PLEKHD1: variants seen among roughly 807,000 people sequenced by gnomAD.
PLEKHD1 encodes the protein pleckstrin homology and coiled-coil domain containing D1, also known as pleckstrin homology domain-containing family D member 1.
In PLEKHD1, 51 loss-of-function variants were observed where a neutral mutation model predicts 69.2. That is an observed-to-expected ratio of 0.74 (90% CI 0.59 to 0.93). The LOEUF (loss-of-function observed/expected upper bound fraction) is 0.93. PLEKHD1 is among the 40% of genes least tolerant of loss of function. The pLI is 0.00. For synonymous variants in PLEKHD1, 236 were observed against 244.7 expected (o/e 0.96, Z 0.33); for missense variants, 584 against 641.0 (o/e 0.91, Z 0.96).
intron 1 of PLEKHD1, among the ~76,000 whole-genome samples, chr14:69,487,593 C>A (rs1185342272): frequency 2.0e-5 from 3 of 152,220 alleles, no homozygotes; most frequent in East Asian, 1.9e-4. Flanking sequence ...AGGACCTGTG[C>A]CTCCAGCTTC....
the PLEKHD1 span, among the ~76,000 whole-genome samples, chr14:69,470,673 T>A: frequency 6.6e-6 from 1 of 152,280 alleles, no homozygotes; most frequent in African/African-American, 2.4e-5. Context: ...TGATCATCCT[T>A]ATCAGAAGCA....
chr14:69,515,431 G>A (rs1322286992), intron 6 of PLEKHD1, among the ~76,000 whole-genome samples: 1 of 152,188 alleles, frequency 6.6e-6, no homozygotes, highest in African/African-American at 2.4e-5. Flanking sequence ...GGTTCCCATG[G>A]AGGTTTCTGC....
the PLEKHD1 span, among the ~76,000 whole-genome samples, chr14:69,476,055 C>T: frequency 5.9e-5 from 9 of 152,058 alleles, no homozygotes; most frequent in East Asian, 3.9e-4. Flanking sequence ...GTCAGGAGTT[C>T]GAGACCAGCC....
At chr14:69,512,309 A>G (rs1883288063) in intron 6 of PLEKHD1, among the ~76,000 whole-genome samples, 1 of 152,020 alleles carries the variant, frequency 6.6e-6, no homozygotes. Flanking sequence ...TTAGAGTCTT[A>G]TGAATTTTAT....
At chr14:69,477,958 T>C in the PLEKHD1 span, among the ~76,000 whole-genome samples, 1 of 152,236 alleles carries the variant, frequency 6.6e-6, no homozygotes, top group East Asian at 1.9e-4. Context: ...GTAGGGACTC[T>C]ATGTGGGGGT....
upstream of PLEKHD1, among the ~76,000 whole-genome samples, chr14:69,480,203 C>A (rs1398518086): frequency 6.6e-6 from 1 of 152,110 alleles, no homozygotes; most frequent in African/African-American, 2.4e-5. Context: ...AGGGCAGGAG[C>A]CTGAATGGTG....
At chr14:69,482,905 AAG>A (rs1236570054), upstream of PLEKHD1, among the ~76,000 whole-genome samples, 118 of 116,694 alleles carry the variant, frequency 1.0e-3, no homozygotes, top group East Asian at 4.6e-3. Context: ...AAAAAAAAAA[AAG>A]AAAGAAAGAA....
intron 6 of PLEKHD1, among the ~76,000 whole-genome samples, chr14:69,513,277 A>G (rs991825119): frequency 6.6e-6 from 1 of 151,442 alleles, no homozygotes; most frequent in African/African-American, 2.4e-5. Context: ...TAAAATAAAA[A>G]AGAGTTTAAT....
chr14:69,470,604 T>C, the PLEKHD1 span, among the ~76,000 whole-genome samples: 44 of 152,248 alleles, frequency 2.9e-4, 2 homozygotes, highest in South Asian at 8.5e-3. Flanking sequence ...AAAGAGGCAA[T>C]GTGGTGTATT....
In PLEKHD1 at chr14:69,485,001, G is replaced by A; in HGVS notation, c.36G>A (p.Ser12=). The A allele has an allele frequency of 6.4e-7, 1 of 1,551,160 alleles. No homozygotes were observed. ...FTSKSNSVSP[S]PSLEQADSDA... ...CCAAGTCCAACTCGGTGTCGCCCTC[G>A]CCGTCCCTGGAGCAGGCTGACTCGG... Residue 12 remains serine (S), a synonymous_variant, in exon 1 of 13, where the codon TCG becomes TCA. Coordinates refer to ENST00000322564, the MANE Select transcript of PLEKHD1 (RefSeq NM_001161498.2).
chr14:69,480,511 T>A (rs1208490036), upstream of PLEKHD1, among the ~76,000 whole-genome samples: 1 of 152,220 alleles, frequency 6.6e-6, no homozygotes, highest in Non-Finnish European at 1.5e-5. Flanking sequence ...GCCACTTTTG[T>A]CCAGGTTGCT....
In PLEKHD1 at chr14:69,500,591, G is replaced by T. The variant is rs958976107; in HGVS notation, c.258G>T (p.Leu86=). The change falls in exon 3 of 13, where the codon CTG becomes CTT. Residue 86 remains leucine, a synonymous_variant. Transcript: ENST00000322564. ...TTCTTCCTCAGGGCGTCATCCCTCT[G>T]GGGGGCTGCCTGGTGGAGCCCAAGG... ...FNIHPKGVIP[L]GGCLVEPKEE... 3 of 1,550,122 alleles carry T rather than the reference G, an allele frequency of 1.9e-6. No homozygotes were observed. Among genetic ancestry groups the T allele is most frequent in the Non-Finnish European group, 2.6e-6 (3 of 1,146,296 alleles).
chr14:69,512,316 T>C (rs886251027), intron 6 of PLEKHD1, among the ~76,000 whole-genome samples: 4 of 152,142 alleles, frequency 2.6e-5, no homozygotes, highest in African/African-American at 9.6e-5. Context: ...CTTATGAATT[T>C]TATTTATCTT....
At chr14:69,486,144 C>G (rs535939689) in intron 1 of PLEKHD1, among the ~76,000 whole-genome samples, 28 of 152,276 alleles carry the variant, frequency 1.8e-4, no homozygotes, top group African/African-American at 6.5e-4. Flanking sequence ...CAGGGGTATC[C>G]AGATGCCCCT....
intron 1 of PLEKHD1, among the ~76,000 whole-genome samples, chr14:69,491,988 C>T (rs1390336485): frequency 6.6e-6 from 1 of 152,132 alleles, no homozygotes; most frequent in Non-Finnish European, 1.5e-5. Flanking sequence ...TTCCCTATGG[C>T]TAAAACTACA....
At chr14:69,493,469 T>C (rs1882821056) in intron 1 of PLEKHD1, among the ~76,000 whole-genome samples, 1 of 152,206 alleles carries the variant, frequency 6.6e-6, no homozygotes, top group Non-Finnish European at 1.5e-5. Context: ...CTCAGTTTCC[T>C]CACTAGTGAA....
intron 5 of PLEKHD1, 103 bp downstream of exon 5, chr14:69,501,928 T>C: frequency 1.9e-6 from 2 of 1,072,396 alleles, no homozygotes. Flanking sequence ...GTCTCTCAGG[T>C]GGGGCTATGA....
rs1883758735 is a variant in PLEKHD1 at position 69,530,123 on chromosome 14, G to A, written c.*1704G>A. 1 of 152,262 alleles carries A rather than the reference G, an allele frequency of 6.6e-6. No individual in the cohort carries two copies. Among genetic ancestry groups the A allele is most frequent in the Non-Finnish European group, 1.5e-5 (1 of 68,064 alleles). 9.4% of individuals were successfully genotyped at this position (152,262 alleles called of 1,614,324 possible). A position where few individuals can be genotyped will look rare whatever the true frequency, so the allele number is the denominator to read the frequency against. ...TCCCAGCAAAAAGTGCAAGAACCTG[G>A]GAGCCCACAACCTATTCTGTGGGAA... On this transcript the variant is annotated 3_prime_UTR_variant, in exon 13 of 13. Transcript: ENST00000322564.
intron 1 of PLEKHD1, among the ~76,000 whole-genome samples, chr14:69,493,883 A>G (rs912929403): frequency 1.3e-5 from 2 of 152,222 alleles, no homozygotes; most frequent in African/African-American, 4.8e-5. Flanking sequence ...CTGATGGGCA[A>G]AGCTTCTCCC....
Sources: gnomAD v4.1 joint callset for allele counts (sites outside exome capture counted in the v4.1 genomes callset) on GRCh38, gnomAD v4.1.1 for gene constraint, MANE v1.5 for transcripts, NCBI Gene and HGNC (gene_info 2026-07-23, HGNC 2026-07-21) for gene names.